Variants in GRM1 observed in about 807,000 individuals in gnomAD.
GRM1 encodes glutamate metabotropic receptor 1.
Under a neutral mutation model 90.9 loss-of-function variants are expected in GRM1, and 33 were observed. That is an observed-to-expected ratio of 0.36 (90% CI 0.28 to 0.49). The LOEUF is 0.49. Ranked by LOEUF, GRM1 falls within the 20% of genes least tolerant of loss-of-function variation. The pLI is 0.99. For missense variants in GRM1, 1,190 were observed against 1,534.3 expected (o/e 0.78, Z 3.75); for synonymous variants, 700 against 613.2 (o/e 1.14, Z -2.09).
At chr6:146,128,351 T>C (rs1776273399) in intron 1 of GRM1, among the ~76,000 whole-genome samples, 1 of 152,208 alleles carries the variant, frequency 6.6e-6, no homozygotes, top group African/African-American at 2.4e-5. Flanking sequence ...ATTTAATATG[T>C]ATCAAGCGCT....
intron 2 of GRM1, among the ~76,000 whole-genome samples, chr6:146,278,504 G>A (rs1782452650): frequency 6.6e-6 from 1 of 152,172 alleles, no homozygotes; most frequent in African/African-American, 2.4e-5. Context: ...AGCTGGGCGT[G>A]ATAGCTCACT....
intron 6 of GRM1, among the ~76,000 whole-genome samples, chr6:146,390,390 T>C (rs1420936535): frequency 6.6e-6 from 1 of 151,854 alleles, no homozygotes; most frequent in East Asian, 1.9e-4. Flanking sequence ...AAATTGCACA[T>C]TTTAATTCAG....
chr6:146,165,999 T>C (rs1437171287), intron 2 of GRM1, among the ~76,000 whole-genome samples: 1 of 152,114 alleles, frequency 6.6e-6, no homozygotes, highest in Non-Finnish European at 1.5e-5. Flanking sequence ...TATTAAAACA[T>C]TGAGGAAAAG....
chr6:146,270,416 G>A (rs904867424), intron 2 of GRM1, among the ~76,000 whole-genome samples: 3 of 152,092 alleles, frequency 2.0e-5, no homozygotes, highest in Admixed American at 2.0e-4. Flanking sequence ...ATTATGTCAG[G>A]ATTTCAAGAG....
At chr6:146,164,941 T>C (rs9497464) in intron 2 of GRM1, among the ~76,000 whole-genome samples, 2,398 of 152,082 alleles carry the variant, frequency 0.016, 51 homozygotes, top group African/African-American at 0.054. Context: ...TTTTTTTTTT[T>C]ACAGTTCTTG....
At chr6:146,156,538 G>T (rs1583083752) in intron 1 of GRM1, among the ~76,000 whole-genome samples, 1 of 152,330 alleles carries the variant, frequency 6.6e-6, no homozygotes, top group Non-Finnish European at 1.5e-5. Context: ...TGGAGGTGGG[G>T]TTAACTCTCT....
intron 3 of GRM1, among the ~76,000 whole-genome samples, chr6:146,308,840 G>A (rs966751809): frequency 6.6e-6 from 1 of 151,894 alleles, no homozygotes; most frequent in African/African-American, 2.4e-5. Flanking sequence ...TGTATTAAAA[G>A]AAATGTTTTA....
intron 7 of GRM1, among the ~76,000 whole-genome samples, chr6:146,422,815 G>A (rs1456402777): frequency 6.6e-6 from 1 of 152,096 alleles, no homozygotes; most frequent in Admixed American, 6.5e-5. Context: ...TTATATCAAG[G>A]AAGACTATTT....
intron 3 of GRM1, among the ~76,000 whole-genome samples, chr6:146,319,462 G>T (rs1030392260): frequency 6.6e-6 from 1 of 152,126 alleles, no homozygotes; most frequent in Non-Finnish European, 1.5e-5. Context: ...CCCTTTGTTG[G>T]TTTCATATGA....
chr6:146,273,306 G>C (rs1339518176), intron 2 of GRM1, among the ~76,000 whole-genome samples: 1 of 152,066 alleles, frequency 6.6e-6, no homozygotes, highest in Admixed American at 6.6e-5. Flanking sequence ...ATGGTTTGAA[G>C]GAATGTGGAA....
intron 1 of GRM1, among the ~76,000 whole-genome samples, chr6:146,109,574 A>G (rs1055244599): frequency 6.6e-6 from 1 of 152,156 alleles, no homozygotes; most frequent in African/African-American, 2.4e-5. Context: ...GCAGAAGGGA[A>G]ATGTGGGATG....
rs1045504637 is a variant in GRM1, at chr6:146,219,523, A to G, written c.950+59926A>G. 1.4e-4 allele frequency among the ~76,000 whole-genome samples: 22 copies of G among 152,110 alleles called. 1 individual carries two copies. The highest frequency in any genetic ancestry group is 1.4e-3 in the Admixed American group (22 of 15,252). ...CCATTAGTAAGTCATGGAATCAGTT[A>G]ATGGATGTCAACCAGCCACTTAAAA... On this transcript the variant is annotated intron_variant, in intron 2 of 7. Transcript: ENST00000282753.
intron 2 of GRM1, among the ~76,000 whole-genome samples, chr6:146,257,322 C>G (rs1781517443): frequency 6.6e-6 from 1 of 152,048 alleles, no homozygotes; most frequent in Admixed American, 6.6e-5. Context: ...CCCATAGTGG[C>G]TGTGTAGCAT....
chr6:146,378,512 A>G (rs1173011958), intron 5 of GRM1, among the ~76,000 whole-genome samples: 5 of 152,224 alleles, frequency 3.3e-5, no homozygotes, highest in African/African-American at 9.6e-5. Flanking sequence ...AATGACTGCC[A>G]TATTGGGTTT....
Position 146,346,929 on chromosome 6 carries a change from G to A in GRM1, c.1187-5321G>A, listed in dbSNP as rs527591136. 4.6e-5 allele frequency among the ~76,000 whole-genome samples: 7 copies of A among 152,246 alleles called. No individual in the cohort carries two copies. The South Asian group carries it at 1.0e-3, about 23-fold the overall frequency. ...TCCAGGGGGAGTCACATTTACCATT[G>A]CTTCCCCGAATGCTTCCTTGCTTTA... On this transcript the variant is annotated intron_variant, in intron 3 of 7. Coordinates refer to ENST00000282753, the MANE Select transcript of GRM1 (RefSeq NM_001278064.2).
chr6:146,096,004 G>A (rs1454371569), intron 1 of GRM1, among the ~76,000 whole-genome samples: 4 of 152,056 alleles, frequency 2.6e-5, no homozygotes, highest in Admixed American at 6.6e-5. Context: ...ACCTCAAGAC[G>A]CAGATTTATT....
intron 1 of GRM1, among the ~76,000 whole-genome samples, chr6:146,110,537 C>T (rs1166292886): frequency 2.0e-5 from 3 of 152,158 alleles, no homozygotes; most frequent in African/African-American, 2.4e-5. Context: ...TGTACTAATA[C>T]ACCCTACTAT....
intron 1 of GRM1, among the ~76,000 whole-genome samples, chr6:146,092,598 A>G (rs1015708810): frequency 3.3e-5 from 5 of 152,018 alleles, no homozygotes; most frequent in African/African-American, 1.2e-4. Flanking sequence ...GTTTTACTCA[A>G]TGTGTGCTTG....
intron 6 of GRM1, among the ~76,000 whole-genome samples, chr6:146,391,115 T>G (rs1404820333): frequency 6.6e-6 from 1 of 152,130 alleles, no homozygotes; most frequent in Non-Finnish European, 1.5e-5. Flanking sequence ...TATTTCTTAA[T>G]TTATGTTAAA....
Sources: gnomAD v4.1 joint callset for allele counts (sites outside exome capture counted in the v4.1 genomes callset) on GRCh38, gnomAD v4.1.1 for gene constraint, MANE v1.5 for transcripts, NCBI Gene and HGNC (gene_info 2026-07-23, HGNC 2026-07-21) for gene names.